RBFOX1: variants seen among roughly 807,000 people sequenced by gnomAD.
RBFOX1 encodes RNA binding protein fox-1 homolog 1.
A neutral mutation model predicts 57.7 loss-of-function variants in RBFOX1; 8 were observed. The ratio of observed to expected loss-of-function variants is 0.14; its 90% CI spans 0.08 to 0.25. The LOEUF is 0.25. Among genes scored for constraint, RBFOX1 ranks in the 10% least tolerant of loss-of-function variants. The probability of loss-of-function intolerance (pLI) is 1.00; values close to 1 mark genes in which losing one functional copy is unlikely to be tolerated. For synonymous variants in RBFOX1, 326 were observed against 222.4 expected (o/e 1.47, Z -4.15); for missense variants, 611 against 548.5 (o/e 1.11, Z -1.14).
chr16:6,885,194 G>A (rs537506738), intron 3 of RBFOX1, among the ~76,000 whole-genome samples: 1 of 152,260 alleles, frequency 6.6e-6, no homozygotes, highest in African/African-American at 2.4e-5. Flanking sequence ...CAATGACTGA[G>A]CCATCACTTC....
chr16:7,077,373 A>G (rs925498075), intron 4 of RBFOX1, among the ~76,000 whole-genome samples: 1 of 152,190 alleles, frequency 6.6e-6, no homozygotes. Context: ...TTTTCCTACA[A>G]AAGTCAAAAT....
chr16:6,818,458 C>T (rs1199933978), intron 3 of RBFOX1, among the ~76,000 whole-genome samples: 2 of 152,062 alleles, frequency 1.3e-5, no homozygotes, highest in African/African-American at 2.4e-5. Context: ...TATTGAATGC[C>T]AGTGAGAGTT....
intron 4 of RBFOX1, among the ~76,000 whole-genome samples, chr16:5,969,316 T>C (rs1364440676): frequency 1.5e-5 from 2 of 135,520 alleles, no homozygotes; most frequent in Non-Finnish European, 3.2e-5. Flanking sequence ...TTTTTTTTTT[T>C]TTTTTTTGGT....
intron 3 of RBFOX1, among the ~76,000 whole-genome samples, chr16:6,841,567 C>A (rs1391719518): frequency 2.6e-5 from 4 of 152,168 alleles, no homozygotes; most frequent in Non-Finnish European, 5.9e-5. Flanking sequence ...CAGGCCCTTT[C>A]TCCTACGAGC....
chr16:6,682,108 C>T (rs1333955072), intron 3 of RBFOX1, among the ~76,000 whole-genome samples: 1 of 152,142 alleles, frequency 6.6e-6, no homozygotes, highest in Non-Finnish European at 1.5e-5. Context: ...TTTTAAAGTT[C>T]TTCCTGGGCA....
intron 4 of RBFOX1, among the ~76,000 whole-genome samples, chr16:7,495,047 A>G (rs1319732475): frequency 1.3e-5 from 2 of 151,850 alleles, no homozygotes; most frequent in South Asian, 2.1e-4. Context: ...TTTAGCTCCC[A>G]CTTATAAATG....
In RBFOX1 at chr16:7,516,032, G is replaced by A. The variant is rs766786775; in HGVS notation, c.28-2115G>A. ...GCTAATTTTTGTATTTTTAGTAGAG[G>A]CAGGGTTTCACCATGTTGCCCAGTC... On this transcript the variant is annotated intron_variant, in intron 4 of 15. Transcript: ENST00000550418. Among the ~76,000 whole-genome samples the A allele has an allele frequency of 9.2e-5, 14 of 152,110 alleles. No homozygotes were observed. The East Asian group carries it at 2.5e-3, about 27-fold the overall frequency.
At chr16:6,419,284 A>G (rs770448752) in intron 2 of RBFOX1, among the ~76,000 whole-genome samples, 1 of 152,066 alleles carries the variant, frequency 6.6e-6, no homozygotes, top group African/African-American at 2.4e-5. Context: ...TTGCAGAGTC[A>G]TTACTCTTTG....
intron 3 of RBFOX1, among the ~76,000 whole-genome samples, chr16:6,962,708 T>TAAA (rs1164779977): frequency 6.6e-6 from 1 of 151,856 alleles, no homozygotes; most frequent in Non-Finnish European, 1.5e-5. Context: ...CTACAAATAG[T>TAAA]AAAAAATTAG....
At chr16:6,959,251 A>G (rs1035504354) in intron 3 of RBFOX1, among the ~76,000 whole-genome samples, 1 of 152,178 alleles carries the variant, frequency 6.6e-6, no homozygotes, top group Non-Finnish European at 1.5e-5. Flanking sequence ...GGGGACAGGC[A>G]GATTTTGTGA....
At chr16:5,539,909 A>C (rs1428154400) in intron 2 of RBFOX1, among the ~76,000 whole-genome samples, 1 of 152,236 alleles carries the variant, frequency 6.6e-6, no homozygotes, top group Non-Finnish European at 1.5e-5. Flanking sequence ...GAGGTAAACA[A>C]GTATTTTATG....
intron 1 of RBFOX1, among the ~76,000 whole-genome samples, chr16:6,044,966 T>G (rs2095480141): frequency 6.6e-6 from 1 of 152,228 alleles, no homozygotes; most frequent in Non-Finnish European, 1.5e-5. Context: ...CTCTCACTAT[T>G]GACTGCTCAT....
At chr16:6,861,825 T>G (rs1027375110) in intron 3 of RBFOX1, among the ~76,000 whole-genome samples, 2 of 147,180 alleles carry the variant, frequency 1.4e-5, no homozygotes, top group Non-Finnish European at 3.0e-5. Context: ...GTCCCTTGGT[T>G]TTTTTTTTTT....
intron 4 of RBFOX1, among the ~76,000 whole-genome samples, chr16:7,502,272 G>T (rs1260185370): frequency 1.5e-3 from 228 of 152,292 alleles, no homozygotes; most frequent in African/African-American, 5.3e-3. Flanking sequence ...ATTACTATGT[G>T]CGGAAGAAAA....
chr16:7,005,289 C>T (rs2093199652), intron 3 of RBFOX1, among the ~76,000 whole-genome samples: 1 of 152,194 alleles, frequency 6.6e-6, no homozygotes, highest in African/African-American at 2.4e-5. Flanking sequence ...TACTTGCCTC[C>T]ATTCCAGTCA....
intron 3 of RBFOX1, among the ~76,000 whole-genome samples, chr16:6,791,446 A>C (rs1192104384): frequency 6.6e-6 from 1 of 152,196 alleles, no homozygotes; most frequent in Non-Finnish European, 1.5e-5. Flanking sequence ...AAAATTGTAA[A>C]GAACTTCAAG....
At position 6,019,877 on chromosome 16, in the gene RBFOX1, C is replaced by T; in HGVS notation, c.-242C>T. 2 of 1,534,762 alleles carry T rather than the reference C, an allele frequency of 1.3e-6. No homozygotes were observed. Among genetic ancestry groups the T allele is most frequent in the South Asian group, 2.4e-5 (2 of 83,942 alleles). ...CGGACAGTGCGTGAGAAACCAGCACCCCCTTCCGCCGCCTCCAGCTTATGG... is the reference window on the plus strand; with the variant it reads ...CGGACAGTGCGTGAGAAACCAGCACTCCCTTCCGCCGCCTCCAGCTTATGG... On this transcript the variant is annotated 5_prime_UTR_variant, in exon 1 of 16. Transcript: ENST00000550418. This position sits in a 1 kb window ranked among gnomAD's most constrained non-coding sequence, Gnocchi z 4.2.
intron 1 of RBFOX1, among the ~76,000 whole-genome samples, chr16:6,063,268 C>G (rs891320664): frequency 6.6e-6 from 1 of 152,104 alleles, no homozygotes; most frequent in African/African-American, 2.4e-5. Flanking sequence ...GATATGCCAA[C>G]TTGCTAAGAC....
chr16:6,733,482 A>C (rs2069201599), intron 3 of RBFOX1, among the ~76,000 whole-genome samples: 1 of 152,350 alleles, frequency 6.6e-6, no homozygotes, highest in South Asian at 2.1e-4. Flanking sequence ...TTATAAGGGC[A>C]ATAGCAGAAT....
Sources: allele counts gnomAD v4.1 joint callset (sites outside exome capture counted in the v4.1 genomes callset), GRCh38; gene constraint gnomAD v4.1.1; non-coding constraint Gnocchi (gnomAD v3.1); transcripts MANE v1.5; gene names NCBI Gene and HGNC (gene_info 2026-07-23, HGNC 2026-07-21).